The following PTPRM variants were observed in gnomAD, a reference collection of about 807,000 sequenced individuals.
The protein encoded by PTPRM is protein tyrosine phosphatase receptor type M.
A neutral mutation model predicts 186.7 loss-of-function variants in PTPRM; 47 were observed. The observed-to-expected ratio is 0.25, with a 90% CI of 0.20 to 0.32. PTPRM has a LOEUF of 0.32. PTPRM is among the 10% of genes least tolerant of loss of function. PTPRM has a pLI of 1.00. For synonymous variants in PTPRM, 668 were observed against 674.9 expected, an observed-to-expected ratio of 0.99 and a Z score of 0.16; for missense variants, 1,494 against 1,865.0, an observed-to-expected ratio of 0.80 and a Z score of 3.66.
intron 2 of PTPRM, among the ~76,000 whole-genome samples, chr18:7,835,433 G>C (rs2045996888): frequency 6.6e-6 from 1 of 151,716 alleles, no homozygotes; most frequent in Non-Finnish European, 1.5e-5. Flanking sequence ...TCCCATTGTG[G>C]TCAGGGAAGA....
intron 7 of PTPRM, among the ~76,000 whole-genome samples, chr18:8,029,438 A>G (rs1028985136): frequency 7.4e-6 from 1 of 134,862 alleles, no homozygotes; most frequent in East Asian, 2.2e-4. Context: ...TGTCTCCCCC[A>G]CACCTGTCCT....
At chr18:7,761,496 C>T (rs1423210714) in intron 1 of PTPRM, among the ~76,000 whole-genome samples, 2 of 152,052 alleles carry the variant, frequency 1.3e-5, no homozygotes, top group Admixed American at 6.6e-5. Flanking sequence ...CAGATAACAG[C>T]CTTATTACGC....
intron 32 of PTPRM, among the ~76,000 whole-genome samples, chr18:8,398,250 C>T (rs1175144600): frequency 6.6e-6 from 1 of 152,144 alleles, no homozygotes; most frequent in Non-Finnish European, 1.5e-5. Flanking sequence ...TCTCAAAATG[C>T]TGGGATTACA....
At chr18:7,811,281 C>T (rs2044498720) in intron 2 of PTPRM, among the ~76,000 whole-genome samples, 2 of 152,176 alleles carry the variant, frequency 1.3e-5, no homozygotes, top group South Asian at 4.2e-4. Flanking sequence ...CCCCATGTAG[C>T]AGGAGCATTT....
intron 20 of PTPRM, among the ~76,000 whole-genome samples, chr18:8,313,863 G>A (rs1555862518): frequency 6.6e-6 from 1 of 151,944 alleles, no homozygotes; most frequent in Non-Finnish European, 1.5e-5. Flanking sequence ...TTAAAATATG[G>A]ATTTGGGGCC....
rs961602784 is a variant in PTPRM at position 7,760,293 on chromosome 18, GAA to G, written c.74-13850_74-13849del. Among the ~76,000 whole-genome samples, 229 of 152,170 alleles carry G rather than the reference GAA, an allele frequency of 1.5e-3. 3 individuals carry two copies. The highest frequency in any genetic ancestry group is 5.3e-3 in the African/African-American group (222 of 41,542). ...AATTATTGTCTTTAAGGGAAGCAAA[GAA>G]AAAAATAATAGCATGTGCAATCTTA... is the stretch of plus-strand genomic sequence containing the variant. On this transcript the variant is annotated intron_variant, in intron 1 of 32. Transcript: ENST00000580170.
At chr18:7,640,745 C>T (rs568186591) in intron 1 of PTPRM, among the ~76,000 whole-genome samples, 1 of 152,208 alleles carries the variant, frequency 6.6e-6, no homozygotes, top group African/African-American at 2.4e-5. Context: ...TTTAGATTCC[C>T]AAGTTAATGC....
intron 1 of PTPRM, among the ~76,000 whole-genome samples, chr18:7,651,166 G>A (rs745693712): frequency 2.2e-4 from 33 of 151,642 alleles, no homozygotes; most frequent in Admixed American, 8.6e-4. Flanking sequence ...CAGGTGATTC[G>A]CCCGCCTCAG....
At chr18:8,190,096 A>C (rs768666512) in intron 14 of PTPRM, among the ~76,000 whole-genome samples, 1 of 152,212 alleles carries the variant, frequency 6.6e-6, no homozygotes, top group Non-Finnish European at 1.5e-5. Flanking sequence ...AAACTGCTCA[A>C]TCAAGCTAAT....
intron 1 of PTPRM, among the ~76,000 whole-genome samples, chr18:7,701,411 C>T (rs1026058345): frequency 2.0e-5 from 3 of 151,004 alleles, no homozygotes; most frequent in Non-Finnish European, 4.4e-5. Context: ...CCATCTTGGC[C>T]AACGTGGTGA....
intron 7 of PTPRM, among the ~76,000 whole-genome samples, chr18:8,059,148 T>C (rs2088273604): frequency 6.6e-6 from 1 of 151,458 alleles, no homozygotes; most frequent in African/African-American, 2.4e-5. Context: ...GGTTTGCAGT[T>C]CTCCTTGAAG....
intron 1 of PTPRM, among the ~76,000 whole-genome samples, chr18:7,693,855 T>C (rs535098284): frequency 1.3e-5 from 2 of 151,266 alleles, no homozygotes; most frequent in Non-Finnish European, 2.9e-5. Flanking sequence ...GGCACTGGGG[T>C]GAAGGAAGGT....
intron 14 of PTPRM, among the ~76,000 whole-genome samples, chr18:8,198,119 G>A (rs2093804496): frequency 6.6e-6 from 1 of 152,172 alleles, no homozygotes; most frequent in African/African-American, 2.4e-5. Context: ...GAGGGAGGGT[G>A]TGCATTCATT....
intron 14 of PTPRM, among the ~76,000 whole-genome samples, chr18:8,242,383 G>T (rs1396287267): frequency 6.6e-6 from 1 of 152,180 alleles, no homozygotes; most frequent in Admixed American, 6.5e-5. Flanking sequence ...ATGTATTATT[G>T]TAAGTGCAGC....
chr18:7,660,522 T>C (rs2038954914), intron 1 of PTPRM, among the ~76,000 whole-genome samples: 1 of 152,096 alleles, frequency 6.6e-6, no homozygotes, highest in Non-Finnish European at 1.5e-5. Context: ...CCCCTATGGA[T>C]CTATTCTAGA....
intron 2 of PTPRM, among the ~76,000 whole-genome samples, chr18:7,869,665 G>T (rs948882699): frequency 6.6e-6 from 1 of 152,128 alleles, no homozygotes; most frequent in Admixed American, 6.5e-5. Flanking sequence ...CCATCGATCA[G>T]TTTTTTAGAT....
intron 5 of PTPRM, among the ~76,000 whole-genome samples, chr18:7,929,101 A>C (rs193021864): frequency 6.6e-6 from 1 of 152,228 alleles, no homozygotes; most frequent in East Asian, 1.9e-4. Context: ...GGTGGGGCCC[A>C]GCGTGCAATG....
At chr18:8,374,210 GAA>G (rs779384973) in intron 24 of PTPRM, among the ~76,000 whole-genome samples, 36 of 152,206 alleles carry the variant, frequency 2.4e-4, no homozygotes, top group Non-Finnish European at 4.7e-4. Context: ...ACCTTGCTCA[GAA>G]AAAGAGTCTT....
intron 14 of PTPRM, among the ~76,000 whole-genome samples, chr18:8,209,291 G>A (rs1424138780): frequency 6.6e-6 from 1 of 152,160 alleles, no homozygotes; most frequent in Non-Finnish European, 1.5e-5. Flanking sequence ...GCCAGAGGCA[G>A]TGATGGCTGG....
Sources: gnomAD v4.1 joint callset for allele counts (sites outside exome capture counted in the v4.1 genomes callset) on GRCh38, gnomAD v4.1.1 for gene constraint, MANE v1.5 for transcripts, NCBI Gene and HGNC (gene_info 2026-07-23, HGNC 2026-07-21) for gene names.